SPACA6: variants seen among roughly 807,000 people sequenced by gnomAD.
SPACA6 encodes sperm acrosome membrane-associated protein 6.
For synonymous variants in SPACA6, 6 were observed against 1.5 expected (o/e 4.05, Z -2.21); for missense variants, 8 against 2.8 (o/e 2.88, Z -1.34).
At chr19:51,699,406 C>T (rs554276610) in intron 2 of SPACA6, among the ~76,000 whole-genome samples, 2 of 152,250 alleles carry the variant, frequency 1.3e-5, no homozygotes, top group African/African-American at 4.8e-5. Flanking sequence ...GGAGATGAAG[C>T]TTTTTATCTG....
downstream of SPACA6, among the ~76,000 whole-genome samples, chr19:51,709,531 CAA>C (rs56170768): frequency 3.1e-4 from 17 of 54,442 alleles, no homozygotes; most frequent in Middle Eastern, 0.025. Context: ...AAAAAAAAGG[CAA>C]AAAAAAAAAA....
intron 2 of SPACA6, among the ~76,000 whole-genome samples, chr19:51,699,921 C>T (rs1283229865): frequency 6.6e-6 from 1 of 152,142 alleles, no homozygotes. Flanking sequence ...TCCACTGGAA[C>T]AAGCCACAAA....
At chr19:51,690,588 C>A (rs987370002), upstream of SPACA6, among the ~76,000 whole-genome samples, 2 of 152,048 alleles carry the variant, frequency 1.3e-5, no homozygotes, top group African/African-American at 4.8e-5. Flanking sequence ...GGGGGCTCCC[C>A]AGGGTCCGCA....
Position 51,700,602 on chromosome 19 carries a change from T to G in SPACA6, c.293-1056T>G, listed in dbSNP as rs562634116. ...CACCAGCTGGGGTCTCCAGTTCAAG[T>G]TGGATCCTGGAATTCATTGTACAAA... On this transcript the variant is annotated intron_variant, in intron 2 of 8. Coordinates refer to ENST00000637797, the MANE Select transcript of SPACA6 (RefSeq NM_001316972.2). 2.0e-5 allele frequency among the ~76,000 whole-genome samples: 3 copies of G among 152,332 alleles called. 1 individual carries two copies. In the South Asian group the frequency reaches 6.2e-4, roughly 32 times the overall value.
upstream of SPACA6, among the ~76,000 whole-genome samples, chr19:51,691,971 C>T (rs1791448347): frequency 6.6e-6 from 1 of 152,130 alleles, no homozygotes; most frequent in Admixed American, 6.5e-5. Flanking sequence ...ATGCTGAGGG[C>T]ACCTCGCTCT....
At chr19:51,702,714 T>TA (rs1174635958) in intron 4 of SPACA6, 62 bp downstream of exon 4, 1 of 399,014 alleles carries the variant, frequency 2.5e-6, no homozygotes, top group African/African-American at 2.1e-5. Flanking sequence ...GGACGAAACG[T>TA]ACGACATCAA....
chr19:51,698,287 T>A (rs1250356976), intron 2 of SPACA6, among the ~76,000 whole-genome samples: 3 of 152,118 alleles, frequency 2.0e-5, no homozygotes, highest in Non-Finnish European at 4.4e-5. Context: ...CCTGACGATA[T>A]GCAACTCCTC....
At chr19:51,709,508 A>T (rs140119426), downstream of SPACA6, among the ~76,000 whole-genome samples, 1,209 of 139,226 alleles carry the variant, frequency 8.7e-3, 14 homozygotes, top group Middle Eastern at 0.049. Context: ...AAAGAGCGAA[A>T]CTGCATCTCA....
At chr19:51,699,712 C>T (rs1321564745) in intron 2 of SPACA6, among the ~76,000 whole-genome samples, 1 of 152,144 alleles carries the variant, frequency 6.6e-6, no homozygotes, top group African/African-American at 2.4e-5. Flanking sequence ...ACAGCCCACC[C>T]TAATGACCTC....
downstream of SPACA6, chr19:51,705,428 C>G: frequency 3.7e-6 from 1 of 268,530 alleles, no homozygotes; most frequent in Non-Finnish European, 7.0e-6. Flanking sequence ...GGCTGTTCCT[C>G]CCCAAGGCTT....
chr19:51,704,502 G>C, intron 8 of SPACA6, 22 bp downstream of exon 8: 1 of 401,054 alleles, frequency 2.5e-6, no homozygotes, highest in Admixed American at 4.4e-5. Context: ...GGACTCCGGA[G>C]CCCCAGCATC....
chr19:51,710,586 T>C (rs932938221), intron 2 of SPACA6, among the ~76,000 whole-genome samples: 28 of 152,154 alleles, frequency 1.8e-4, no homozygotes, highest in African/African-American at 6.5e-4. Context: ...CAGTTGGATA[T>C]ACAAGCCTGG....
At chr19:51,706,284 T>C (rs1016580489), downstream of SPACA6, among the ~76,000 whole-genome samples, 12 of 152,160 alleles carry the variant, frequency 7.9e-5, no homozygotes, top group Non-Finnish European at 1.8e-4. Context: ...TAGAATAATA[T>C]TTTCTCCTTT....
At chr19:51,704,827 T>G (rs1168446823) in intron 8 of SPACA6, 1 of 275,896 alleles carries the variant, frequency 3.6e-6, no homozygotes, top group Non-Finnish European at 6.0e-6. Flanking sequence ...CTCCCGCAGA[T>G]CCAAGAGTCC....
chr19:51,694,360 A>G (rs2083407519), intron 1 of SPACA6, 118 bp from the exon 2 acceptor site: 2 of 397,812 alleles, frequency 5.0e-6, no homozygotes, highest in Non-Finnish European at 4.4e-6. Context: ...GCAAAGAGTC[A>G]GAGAGGGGAG....
intron 2 of SPACA6, among the ~76,000 whole-genome samples, chr19:51,695,686 T>C (rs1035190358): frequency 6.6e-6 from 1 of 152,184 alleles, no homozygotes; most frequent in African/African-American, 2.4e-5. Context: ...GGCTGCCTTG[T>C]TACAGAAGCT....
intron 1 of SPACA6, chr19:51,694,032 G>C (rs2122196180): frequency 3.5e-6 from 1 of 284,812 alleles, no homozygotes; most frequent in Middle Eastern, 9.4e-4. Context: ...CGGAAAGATG[G>C]AGACTCAGGA....
chr19:51,710,272 T>C (rs758271570), downstream of SPACA6, among the ~76,000 whole-genome samples: 1 of 152,250 alleles, frequency 6.6e-6, no homozygotes, highest in Non-Finnish European at 1.5e-5. Flanking sequence ...GTTTCTATAC[T>C]TGCAGACTTG....
At chr19:51,710,846 G>A (rs2083538137) in intron 2 of SPACA6, among the ~76,000 whole-genome samples, 1 of 152,196 alleles carries the variant, frequency 6.6e-6, no homozygotes, top group Non-Finnish European at 1.5e-5. Flanking sequence ...TTGGGAAGCC[G>A]AGGCTGGTGG....
Sources: gnomAD v4.1 joint callset for allele counts (sites outside exome capture counted in the v4.1 genomes callset) on GRCh38, gnomAD v4.1.1 for gene constraint, MANE v1.5 for transcripts, NCBI Gene and HGNC (gene_info 2026-07-23, HGNC 2026-07-21) for gene names.